ARHGEF10L: variants seen among roughly 807,000 people sequenced by gnomAD.
ARHGEF10L encodes the protein Rho guanine nucleotide exchange factor 10 like, also known as rho guanine nucleotide exchange factor 10-like protein.
In ARHGEF10L, 69 loss-of-function variants were observed where a neutral mutation model predicts 141.2. The ratio of observed to expected loss-of-function variants is 0.49; its 90% CI spans 0.40 to 0.60. The LOEUF is 0.60. ARHGEF10L is among the 20% of genes least tolerant of loss of function. ARHGEF10L has a pLI of 0.00. For missense variants in ARHGEF10L, 1,482 were observed against 1,734.3 expected, an observed-to-expected ratio of 0.85 and a Z score of 2.58; for synonymous variants, 711 against 718.5, an observed-to-expected ratio of 0.99 and a Z score of 0.17.
chr1:17,528,723 T>G, the ARHGEF10L span, among the ~76,000 whole-genome samples: 1 of 152,196 alleles, frequency 6.6e-6, no homozygotes, highest in African/African-American at 2.4e-5. Flanking sequence ...ACTGGATACA[T>G]GATCCTGCCC....
In ARHGEF10L at chr1:17,588,472, G is replaced by C; in HGVS notation, c.250G>C (p.Gly84Arg). ...TDPDPAAAPP[G>R]TGVPAWVSNG... Reference sequence around the variant, plus strand: ...CCCAGACCCAGCAGCTGCTCCACCCGGCACAGGGTAAGTGAACCTTGCTCC... The same window carrying C: ...CCCAGACCCAGCAGCTGCTCCACCCCGCACAGGGTAAGTGAACCTTGCTCC... The change falls in exon 4 of 29, where the codon GGC becomes CGC. Residue 84 changes from glycine (G) to arginine (R), a missense_variant. By Grantham distance (125) the Gly-to-Arg change is moderately radical (BLOSUM62 -2). Coordinates refer to ENST00000361221, the MANE Select transcript of ARHGEF10L (RefSeq NM_018125.4). 3 of 1,613,984 alleles carry C rather than the reference G, an allele frequency of 1.9e-6. No individual in the cohort carries two copies. The highest frequency in any genetic ancestry group is 2.5e-6 in the Non-Finnish European group (3 of 1,179,942).
intron 4 of ARHGEF10L, among the ~76,000 whole-genome samples, 194 bp downstream of exon 4, chr1:17,588,673 G>T (rs1273987627): frequency 6.6e-6 from 1 of 151,864 alleles, no homozygotes; most frequent in African/African-American, 2.4e-5. Context: ...CCTTTATTTT[G>T]CCCACAAACC....
chr1:17,531,443 C>G, the ARHGEF10L span, among the ~76,000 whole-genome samples: 1 of 152,168 alleles, frequency 6.6e-6, no homozygotes, highest in African/African-American at 2.4e-5. Context: ...TAAGCTTATC[C>G]GAAGGTCACA....
intron 1 of ARHGEF10L, among the ~76,000 whole-genome samples, chr1:17,554,789 C>T (rs1053589587): frequency 1.3e-5 from 2 of 151,976 alleles, no homozygotes; most frequent in African/African-American, 4.8e-5. Flanking sequence ...TGGGGTTTTG[C>T]CACGTTGCCC....
chr1:17,622,870 G>A (rs2060179951), intron 11 of ARHGEF10L, 126 bp from the exon 12 acceptor site: 1 of 971,548 alleles, frequency 1.0e-6, no homozygotes, highest in Non-Finnish European at 1.5e-6. Context: ...CATGAGGAGT[G>A]AGGGATGAGT....
the ARHGEF10L span, among the ~76,000 whole-genome samples, chr1:17,523,911 G>C: frequency 6.6e-6 from 1 of 152,172 alleles, no homozygotes; most frequent in East Asian, 1.9e-4. Context: ...TATGAAGAGA[G>C]ATAATTGCCC....
chr1:17,585,864 G>T (rs1020363671), intron 2 of ARHGEF10L, among the ~76,000 whole-genome samples: 1 of 152,126 alleles, frequency 6.6e-6, no homozygotes, highest in East Asian at 1.9e-4. Flanking sequence ...GGCTGGGTCC[G>T]CAGACCCATG....
chr1:17,577,101 G>A (rs2078253937), intron 1 of ARHGEF10L, among the ~76,000 whole-genome samples: 1 of 152,236 alleles, frequency 6.6e-6, no homozygotes, highest in Non-Finnish European at 1.5e-5. Context: ...TGGAGTGGCA[G>A]TGGTGTGATC....
upstream of ARHGEF10L, among the ~76,000 whole-genome samples, chr1:17,536,916 C>G (rs535160384): frequency 1.3e-5 from 2 of 151,998 alleles, no homozygotes; most frequent in Non-Finnish European, 2.9e-5. Context: ...GTTGCCTAGG[C>G]TGGGGTGCAG....
chr1:17,627,778 C>A lies in ARHGEF10L; in HGVS notation c.1584+275C>A, dbSNP rs1362475264. Among the ~76,000 whole-genome samples the A allele has an allele frequency of 6.6e-6, 1 of 152,198 alleles. No homozygotes were observed. Among genetic ancestry groups the A allele is most frequent in the Non-Finnish European group, 1.5e-5 (1 of 68,040 alleles). On this transcript the variant is annotated intron_variant, in intron 15 of 28. Coordinates refer to ENST00000361221, the MANE Select transcript of ARHGEF10L (RefSeq NM_018125.4). This position sits in a 1 kb window ranked among gnomAD's most constrained non-coding sequence, Gnocchi z 4.0. ...ATCAAAGCCTAGTTAAATGAACAGG[C>A]TCTGGAGAGTCAGAATCTGGGTTTA...
In ARHGEF10L at chr1:17,639,828, C is replaced by T; in HGVS notation, c.2172-374C>T. 1 of 1,334,818 alleles carries T rather than the reference C, an allele frequency of 7.5e-7. No individual in the cohort carries two copies. Among genetic ancestry groups the T allele is most frequent in the Non-Finnish European group, 9.8e-7 (1 of 1,019,026 alleles). The allele number at this position is 1,334,818 out of a possible 1,614,324, so 82.7% of individuals were successfully genotyped here. ...ACCCAAGTGAGACCCATTCCTCCCT[C>T]TAGAGGCACGTGGTCAGACATGTAA... On this transcript the variant is annotated intron_variant, in intron 20 of 28. Coordinates refer to ENST00000361221, the MANE Select transcript of ARHGEF10L (RefSeq NM_018125.4). This position sits in a 1 kb window ranked among gnomAD's most constrained non-coding sequence, Gnocchi z 4.3.
At chr1:17,525,692 C>A in the ARHGEF10L span, among the ~76,000 whole-genome samples, 9 of 151,872 alleles carry the variant, frequency 5.9e-5, no homozygotes, top group South Asian at 1.5e-3. Flanking sequence ...TAAAATCATT[C>A]TTTTAATAAT....
Position 17,549,573 on chromosome 1 carries a change from G to C in ARHGEF10L, c.-44+9623G>C, listed in dbSNP as rs997176311. On this transcript the variant is annotated intron_variant, in intron 1 of 28. Transcript: ENST00000361221. ...TGACAAGCAGGAGCTCCCCCTGCAAGGATCTGAGGGAAAAGTATTCCGGGT... is the reference window on the plus strand; with the variant it reads ...TGACAAGCAGGAGCTCCCCCTGCAACGATCTGAGGGAAAAGTATTCCGGGT... Among the ~76,000 whole-genome samples the C allele has an allele frequency of 3.9e-4, 59 of 152,122 alleles. 2 individuals carry two copies. The highest frequency in any genetic ancestry group is 1.4e-3 in the African/African-American group (56 of 41,410).
intron 2 of ARHGEF10L, among the ~76,000 whole-genome samples, chr1:17,586,689 G>A (rs1414734502): frequency 1.3e-5 from 2 of 152,208 alleles, no homozygotes; most frequent in Non-Finnish European, 2.9e-5. Context: ...CAGGTGAGAT[G>A]TCTGCTCTCA....
Position 17,654,019 on chromosome 1 carries a change from ACT to A in ARHGEF10L, c.2395-614_2395-613del, listed in dbSNP as rs1346222127. 8.5e-5 allele frequency among the ~76,000 whole-genome samples: 13 copies of A among 152,104 alleles called. No individual in the cohort carries two copies. The highest frequency in any genetic ancestry group is 1.6e-4 in the Non-Finnish European group (11 of 68,004). On this transcript the variant is annotated intron_variant, in intron 22 of 28. Transcript: ENST00000361221. This position sits in a 1 kb window ranked among gnomAD's most constrained non-coding sequence, Gnocchi z 4.3. ...CTCCTTCCAGCCAAGAGCAGTCTCT[ACT>A]CTGTCTTCTCCTTCAGTGTGGCCCA...
At chr1:17,574,501 T>C (rs1040698540) in intron 1 of ARHGEF10L, among the ~76,000 whole-genome samples, 9 of 152,170 alleles carry the variant, frequency 5.9e-5, no homozygotes, top group African/African-American at 2.2e-4. Flanking sequence ...CCTACCAGTG[T>C]TGTCCAATGT....
At chr1:17,536,176 G>A (rs1003371795), upstream of ARHGEF10L, among the ~76,000 whole-genome samples, 2 of 152,212 alleles carry the variant, frequency 1.3e-5, no homozygotes, top group African/African-American at 2.4e-5. Context: ...TTTGTGCTGT[G>A]GAGCTTAGAG....
At chr1:17,550,650 G>GAA (rs58121017) in intron 1 of ARHGEF10L, among the ~76,000 whole-genome samples, 173 of 143,462 alleles carry the variant, frequency 1.2e-3, no homozygotes, top group African/African-American at 3.2e-3. Flanking sequence ...TCTCAAAAAC[G>GAA]AAAAAAAAAA....
intron 9 of ARHGEF10L, among the ~76,000 whole-genome samples, chr1:17,617,586 C>T (rs1010265541): frequency 6.6e-6 from 1 of 152,230 alleles, no homozygotes; most frequent in African/African-American, 2.4e-5. Context: ...TGCCAGTTCT[C>T]TTTGGAAGGA....
Sources: allele counts gnomAD v4.1 joint callset (sites outside exome capture counted in the v4.1 genomes callset), GRCh38; gene constraint gnomAD v4.1.1; non-coding constraint Gnocchi (gnomAD v3.1); transcripts MANE v1.5; gene names NCBI Gene and HGNC (gene_info 2026-07-23, HGNC 2026-07-21).